Variants in MICU1 observed in about 807,000 individuals in gnomAD.
The protein encoded by MICU1 is calcium uptake protein 1, mitochondrial.
In MICU1, 45 loss-of-function variants were observed where a neutral mutation model predicts 56.8. The observed-to-expected ratio is 0.79, with a 90% CI of 0.62 to 1.02. MICU1 has a LOEUF of 1.02. MICU1 is among the 50% of genes least tolerant of loss of function. MICU1 has a pLI of 0.00. For synonymous variants in MICU1, 186 were observed against 195.1 expected (o/e 0.95, Z 0.39); for missense variants, 504 against 587.1 (o/e 0.86, Z 1.46).
chr10:72,593,218 A>G (rs1841277653), intron 1 of MICU1, among the ~76,000 whole-genome samples: 1 of 152,230 alleles, frequency 6.6e-6, no homozygotes, highest in South Asian at 2.1e-4. Context: ...TTCCTTTAAG[A>G]TCAAGAACAA....
intron 1 of MICU1, among the ~76,000 whole-genome samples, chr10:72,605,114 G>A (rs1841650595): frequency 6.6e-6 from 1 of 152,182 alleles, no homozygotes; most frequent in Non-Finnish European, 1.5e-5. Flanking sequence ...AAAACAGGGT[G>A]CAGTAAAGAA....
Position 72,379,324 on chromosome 10 carries a change from C to T in MICU1, c.1181-3452G>A, listed in dbSNP as rs114135416. On this transcript the variant is annotated intron_variant, in intron 10 of 11. Transcript: ENST00000361114. The stretch of plus-strand genomic sequence containing the variant: ...GAATGAGATCAGAAGGAACTGGAAG[C>T]GCTTAAACTGTGATTGCCTACAGCT... The T allele has an allele frequency of 1.1e-3, 183 of 167,366 alleles. 1 individual carries two copies. The highest frequency in any genetic ancestry group is 4.1e-3 in the African/African-American group (170 of 41,750). 10.4% of individuals were successfully genotyped at this position (167,366 alleles called of 1,614,324 possible). A position where few individuals can be genotyped will look rare whatever the true frequency, so the allele number is the denominator to read the frequency against.
intron 9 of MICU1, among the ~76,000 whole-genome samples, chr10:72,411,810 C>G (rs189855913): frequency 2.6e-4 from 40 of 152,274 alleles, no homozygotes; most frequent in Non-Finnish European, 5.1e-4. Context: ...ACATCAAATA[C>G]TACAGCTCAA....
chr10:72,606,991 C>T (rs569967967), intron 1 of MICU1, among the ~76,000 whole-genome samples: 1 of 152,230 alleles, frequency 6.6e-6, no homozygotes, highest in African/African-American at 2.4e-5. Flanking sequence ...TTCCCCTATA[C>T]CTTGCCCTAC....
intron 6 of MICU1, among the ~76,000 whole-genome samples, chr10:72,482,844 T>C (rs1348453503): frequency 6.7e-6 from 1 of 148,348 alleles, no homozygotes; most frequent in Non-Finnish European, 1.5e-5. Context: ...TACATATATA[T>C]ATATATATTT....
chr10:72,373,375 C>G (rs1862412336), intron 11 of MICU1, among the ~76,000 whole-genome samples: 1 of 151,952 alleles, frequency 6.6e-6, no homozygotes, highest in Non-Finnish European at 1.5e-5. Context: ...TGGGATCTCG[C>G]TATGTTGCCT....
intron 1 of MICU1, among the ~76,000 whole-genome samples, chr10:72,592,200 G>A (rs1841246955): frequency 6.6e-6 from 1 of 151,764 alleles, no homozygotes; most frequent in African/African-American, 2.4e-5. Flanking sequence ...AGTGCAAACG[G>A]GGTTTCACAT....
At chr10:72,523,984 T>A in intron 5 of MICU1, 1 of 1,286,732 alleles carries the variant, frequency 7.8e-7, no homozygotes, top group Non-Finnish European at 9.8e-7. Flanking sequence ...CTGAGCAAAG[T>A]GCAACCAAGC....
At chr10:72,578,885 G>T (rs539116406) in intron 1 of MICU1, among the ~76,000 whole-genome samples, 12 of 152,326 alleles carry the variant, frequency 7.9e-5, no homozygotes, top group Non-Finnish European at 1.6e-4. Flanking sequence ...GATTACAGGT[G>T]TGAGTCACCG....
intron 1 of MICU1, among the ~76,000 whole-genome samples, chr10:72,594,282 A>G (rs987304560): frequency 5.3e-5 from 8 of 152,346 alleles, no homozygotes; most frequent in Non-Finnish European, 1.2e-4. Context: ...AGCATACTGA[A>G]GTATCAACAA....
intron 1 of MICU1, 62 bp from the exon 2 acceptor site, chr10:72,566,856 G>T (rs764807170): frequency 1.5e-5 from 21 of 1,368,364 alleles, no homozygotes; most frequent in Non-Finnish European, 2.1e-5. Context: ...TGATGATGAT[G>T]ATCCTACCAA....
At chr10:72,431,094 G>GTCTATCTATCTATCTATCTATCTA (rs143659735) in intron 8 of MICU1, among the ~76,000 whole-genome samples, 15 of 141,432 alleles carry the variant, frequency 1.1e-4, no homozygotes, top group South Asian at 2.4e-4. Context: ...TTATCTGTCT[G>GTCTATCTATCTATCTATCTATCTA]TCTATCTATC....
At position 72,407,589 on chromosome 10, in the gene MICU1, T is replaced by C. The variant is rs147563588; in HGVS notation, c.1180+340A>G. Among the ~76,000 whole-genome samples the C allele has an allele frequency of 1.4e-4, 21 of 152,352 alleles. 1 individual carries two copies. The highest frequency in any genetic ancestry group is 5.0e-4 in the African/African-American group (21 of 41,588). On this transcript the variant is annotated intron_variant, in intron 10 of 11. Transcript: ENST00000361114. ...CATCAAAGACGCAACTTAAGTTGTATAGTGACTTTAGCTTCACATTGTATA... is the reference window on the plus strand; with the variant it reads ...CATCAAAGACGCAACTTAAGTTGTACAGTGACTTTAGCTTCACATTGTATA...
chr10:72,406,004 G>GAA, intron 10 of MICU1, among the ~76,000 whole-genome samples: 1 of 145,726 alleles, frequency 6.9e-6, no homozygotes, highest in South Asian at 2.1e-4. Flanking sequence ...AATAAAGCAA[G>GAA]AAAAAAAAAG....
chr10:72,487,613 C>T (rs1439921191), intron 6 of MICU1, among the ~76,000 whole-genome samples: 8 of 152,184 alleles, frequency 5.3e-5, no homozygotes, highest in African/African-American at 1.9e-4. Context: ...TCTGAAGGGC[C>T]AAAGGAGATG....
intron 3 of MICU1, among the ~76,000 whole-genome samples, chr10:72,562,131 GT>G (rs1840312194): frequency 7.9e-6 from 1 of 126,700 alleles, no homozygotes. Flanking sequence ...AGCAGGTTGT[GT>G]TAATTACATA....
intron 6 of MICU1, among the ~76,000 whole-genome samples, chr10:72,487,001 G>A (rs1309591160): frequency 6.6e-6 from 1 of 152,136 alleles, no homozygotes. Context: ...TAAAATCGAA[G>A]CAAGAACAAA....
At chr10:72,591,077 G>T (rs1841213087) in intron 1 of MICU1, among the ~76,000 whole-genome samples, 1 of 151,986 alleles carries the variant, frequency 6.6e-6, no homozygotes, top group Admixed American at 6.6e-5. Flanking sequence ...TTAGAAATCA[G>T]TAACAAAAGT....
chr10:72,544,661 C>T (rs995377856), intron 4 of MICU1, among the ~76,000 whole-genome samples: 1 of 152,186 alleles, frequency 6.6e-6, no homozygotes, highest in Non-Finnish European at 1.5e-5. Flanking sequence ...ATAGCAAGCA[C>T]CACTCAAAGC....
Sources: gnomAD v4.1 joint callset for allele counts (sites outside exome capture counted in the v4.1 genomes callset) on GRCh38, gnomAD v4.1.1 for gene constraint, MANE v1.5 for transcripts, NCBI Gene and HGNC (gene_info 2026-07-23, HGNC 2026-07-21) for gene names.